Variants in LRRC4C observed in about 807,000 individuals in gnomAD.
LRRC4C encodes the protein leucine-rich repeat-containing protein 4C.
LRRC4C carries 5 observed loss-of-function variants against 33.6 expected under a neutral mutation model. The ratio of observed to expected loss-of-function variants is 0.15; its 90% CI spans 0.08 to 0.31. The LOEUF (loss-of-function observed/expected upper bound fraction) is 0.31, where lower values mean the gene tolerates loss of function less well. LRRC4C is among the 10% of genes least tolerant of loss of function. LRRC4C has a pLI of 1.00. For synonymous variants in LRRC4C, 329 were observed against 302.0 expected (o/e 1.09, Z -0.93); for missense variants, 560 against 796.7 (o/e 0.70, Z 3.58).
chr11:40,769,081 C>T (rs1022984575), intron 2 of LRRC4C, among the ~76,000 whole-genome samples: 19 of 151,762 alleles, frequency 1.3e-4, no homozygotes, highest in Admixed American at 9.8e-4. Context: ...CACAGAAAAA[C>T]CAAAAGATTT....
rs528348445 is a variant in LRRC4C at position 41,352,503 on chromosome 11, C to G, written c.-496+106928G>C. On this transcript the variant is annotated intron_variant, in intron 1 of 6. Coordinates refer to ENST00000528697, the MANE Select transcript of LRRC4C (RefSeq NM_001258419.2). ...AGACATTTGGGACTTAAATCTGACCCTTGACCAAATGGACCTAACAGACAT... is the reference window on the plus strand; with the variant it reads ...AGACATTTGGGACTTAAATCTGACCGTTGACCAAATGGACCTAACAGACAT... Among the ~76,000 whole-genome samples, 3 of 152,198 alleles carry G rather than the reference C, an allele frequency of 2.0e-5. No homozygotes were observed. The South Asian group carries it at 6.2e-4, about 32-fold the overall frequency.
rs546167214 is a variant in LRRC4C, at chr11:41,155,336, C to G, written c.-495-221613G>C. ...GAGACTTCACTTGAAGTTCCCTTAG[C>G]AAGAACATATTTTACACAGATTGTA... On this transcript the variant is annotated intron_variant, in intron 1 of 6. Transcript: ENST00000528697. Among the ~76,000 whole-genome samples the G allele has an allele frequency of 7.9e-5, 12 of 152,200 alleles. 1 individual carries two copies. In the South Asian group the frequency reaches 1.9e-3, roughly 24 times the overall value.
intron 1 of LRRC4C, among the ~76,000 whole-genome samples, chr11:41,148,352 C>T (rs1331639225): frequency 6.6e-6 from 1 of 152,000 alleles, no homozygotes; most frequent in East Asian, 1.9e-4. Flanking sequence ...GATCACAACA[C>T]TGTACTGTAG....
At chr11:40,662,154 T>C (rs1943472157) in intron 2 of LRRC4C, among the ~76,000 whole-genome samples, 1 of 152,224 alleles carries the variant, frequency 6.6e-6, no homozygotes, top group Non-Finnish European at 1.5e-5. Context: ...ATCTGCATAA[T>C]GTCCTGCAAG....
At chr11:41,134,946 C>T (rs1044512643) in intron 1 of LRRC4C, among the ~76,000 whole-genome samples, 2 of 152,106 alleles carry the variant, frequency 1.3e-5, no homozygotes, top group Non-Finnish European at 2.9e-5. Flanking sequence ...ATACAACTAT[C>T]ATTATTTGAA....
At chr11:40,766,954 TA>T (rs1341630984) in intron 2 of LRRC4C, among the ~76,000 whole-genome samples, 1 of 151,678 alleles carries the variant, frequency 6.6e-6, no homozygotes, top group Non-Finnish European at 1.5e-5. Flanking sequence ...GTGGCAGTGG[TA>T]AGTCCTTACT....
At position 41,038,855 on chromosome 11, in the gene LRRC4C, G is replaced by T. The variant is rs996262; in HGVS notation, c.-495-105132C>A. 2.0e-4 allele frequency among the ~76,000 whole-genome samples: 30 copies of T among 152,038 alleles called. 1 individual carries two copies. In the South Asian group the frequency reaches 6.2e-3, roughly 32 times the overall value. ...GGCACCCTGGCATTTGAAAAAACAA[G>T]AGGAAAGAGAAGGTCACTCTCAACT... On this transcript the variant is annotated intron_variant, in intron 1 of 6. Coordinates refer to ENST00000528697, the MANE Select transcript of LRRC4C (RefSeq NM_001258419.2).
At chr11:40,953,611 C>T (rs967844038) in intron 1 of LRRC4C, among the ~76,000 whole-genome samples, 5 of 151,952 alleles carry the variant, frequency 3.3e-5, no homozygotes, top group Admixed American at 2.0e-4. Flanking sequence ...ACCCCAAGCA[C>T]ACATTACTAG....
rs955328965 is a variant in LRRC4C, at chr11:41,357,276, G to T, written c.-496+102155C>A. Among the ~76,000 whole-genome samples, 19 of 152,072 alleles carry T rather than the reference G, an allele frequency of 1.2e-4. 1 individual carries two copies. Among genetic ancestry groups the T allele is most frequent in the Admixed American group, 1.2e-3 (19 of 15,254 alleles). ...TAAATTAGGAATGAAAATAATACTT[G>T]TCTAATGGTTAATATGTAGATAATT... On this transcript the variant is annotated intron_variant, in intron 1 of 6. Transcript: ENST00000528697.
intron 1 of LRRC4C, among the ~76,000 whole-genome samples, chr11:41,373,632 C>CT (rs1464320561): frequency 2.6e-5 from 4 of 152,160 alleles, no homozygotes; most frequent in African/African-American, 9.6e-5. Flanking sequence ...GACTTGAATC[C>CT]AGGCATGCAA....
intron 2 of LRRC4C, among the ~76,000 whole-genome samples, chr11:40,692,037 T>A (rs1030815348): frequency 2.0e-5 from 3 of 152,068 alleles, no homozygotes; most frequent in Non-Finnish European, 4.4e-5. Context: ...AGACACCATT[T>A]ATTTTTATTT....
chr11:40,507,234 C>G (rs1054499478), intron 3 of LRRC4C, among the ~76,000 whole-genome samples: 4 of 151,906 alleles, frequency 2.6e-5, no homozygotes, highest in Non-Finnish European at 5.9e-5. Flanking sequence ...ATATATATAA[C>G]ATATGATTAG....
rs186791501 is a variant in LRRC4C at position 41,009,096 on chromosome 11, C to A, written c.-495-75373G>T. On this transcript the variant is annotated intron_variant, in intron 1 of 6. Coordinates refer to ENST00000528697, the MANE Select transcript of LRRC4C (RefSeq NM_001258419.2). The stretch of plus-strand genomic sequence containing the variant: ...ATAGCCAAATAGCAAGAGAAGAATT[C>A]TTTTTAAATTTATCTGATTTAGATA... Among the ~76,000 whole-genome samples, 4 of 151,912 alleles carry A rather than the reference C, an allele frequency of 2.6e-5. No homozygotes were observed. In the East Asian group the frequency reaches 7.7e-4, roughly 29 times the overall value.
At chr11:41,068,727 A>G (rs1359066456) in intron 1 of LRRC4C, among the ~76,000 whole-genome samples, 2 of 152,106 alleles carry the variant, frequency 1.3e-5, no homozygotes. Context: ...GAATAGACCA[A>G]TAACAAGTTT....
intron 5 of LRRC4C, among the ~76,000 whole-genome samples, chr11:40,232,961 A>G (rs1193016640): frequency 6.6e-6 from 1 of 152,168 alleles, no homozygotes; most frequent in African/African-American, 2.4e-5. Context: ...TTTCTATTGG[A>G]TAAAGTCTGG....
chr11:41,325,996 T>C (rs777634682), intron 1 of LRRC4C, among the ~76,000 whole-genome samples: 2 of 152,112 alleles, frequency 1.3e-5, no homozygotes, highest in Admixed American at 6.5e-5. Context: ...TGATGGTTAA[T>C]ATGGAGTGTC....
At chr11:41,132,336 A>G (rs558919408) in intron 1 of LRRC4C, among the ~76,000 whole-genome samples, 11 of 152,192 alleles carry the variant, frequency 7.2e-5, no homozygotes, top group East Asian at 1.9e-4. Flanking sequence ...ATATTCATTC[A>G]TCAGATAGTT....
rs902971758 is a variant in LRRC4C, at chr11:40,899,439, T to C, written c.-407+34196A>G. ...TTGGATTTCCCAGCATGAATACCTA[T>C]GCTGGACTATTTCTTGAGAAAGAAA... On this transcript the variant is annotated intron_variant, in intron 2 of 6. Coordinates refer to ENST00000528697, the MANE Select transcript of LRRC4C (RefSeq NM_001258419.2). Among the ~76,000 whole-genome samples, 4 of 152,200 alleles carry C rather than the reference T, an allele frequency of 2.6e-5. No homozygotes were observed. In the East Asian group the frequency reaches 5.8e-4, roughly 22 times the overall value.
chr11:41,111,124 C>T (rs1287120386), intron 1 of LRRC4C, among the ~76,000 whole-genome samples: 6 of 151,960 alleles, frequency 3.9e-5, no homozygotes, highest in Non-Finnish European at 8.8e-5. Flanking sequence ...TTATTATTAT[C>T]GGCATTCTAT....
Sources: gnomAD v4.1 joint callset for allele counts (sites outside exome capture counted in the v4.1 genomes callset) on GRCh38, gnomAD v4.1.1 for gene constraint, MANE v1.5 for transcripts, NCBI Gene and HGNC (gene_info 2026-07-23, HGNC 2026-07-21) for gene names.